The following ROBO1 variants were observed in gnomAD, a reference collection of about 807,000 sequenced individuals.
The protein encoded by ROBO1 is roundabout homolog 1.
Under a neutral mutation model 195.9 loss-of-function variants are expected in ROBO1, and 149 were observed. That is an observed-to-expected ratio of 0.76 (90% confidence interval 0.67 to 0.87). The LOEUF is 0.87. Ranked by LOEUF, ROBO1 falls within the 40% of genes least tolerant of loss-of-function variation. The pLI is 0.00. For synonymous variants in ROBO1, 816 were observed against 733.2 expected (o/e 1.11, Z -1.82); for missense variants, 1,933 against 2,068.3 (o/e 0.93, Z 1.27).
intron 3 of ROBO1, among the ~76,000 whole-genome samples, chr3:79,069,703 C>T (rs2079056005): frequency 6.6e-6 from 1 of 151,936 alleles, no homozygotes; most frequent in African/African-American, 2.4e-5. Flanking sequence ...TGATCCAAAC[C>T]TAGCTCTGCA....
chr3:78,834,455 T>C (rs534553788), intron 4 of ROBO1, among the ~76,000 whole-genome samples: 1 of 149,334 alleles, frequency 6.7e-6, no homozygotes, highest in South Asian at 2.2e-4. Flanking sequence ...AGCAGGCAAC[T>C]AGATGTAGGA....
chr3:79,371,870 T>C (rs117177583), intron 2 of ROBO1, among the ~76,000 whole-genome samples: 1 of 152,294 alleles, frequency 6.6e-6, no homozygotes, highest in East Asian at 1.9e-4. Context: ...CCTAACCTTT[T>C]AGGCACCAGG....
At chr3:79,099,935 C>G (rs1244891573) in intron 3 of ROBO1, among the ~76,000 whole-genome samples, 1 of 151,704 alleles carries the variant, frequency 6.6e-6, no homozygotes, top group Admixed American at 6.6e-5. Flanking sequence ...GGAAGGAGAC[C>G]AGTAAATTTG....
chr3:78,969,731 T>G (rs755780859), intron 3 of ROBO1, among the ~76,000 whole-genome samples: 6 of 152,134 alleles, frequency 3.9e-5, no homozygotes, highest in Non-Finnish European at 8.8e-5. Flanking sequence ...AGTTTGACTT[T>G]CAAAAAACCC....
chr3:78,752,904 C>T (rs2082833505), intron 4 of ROBO1, among the ~76,000 whole-genome samples: 1 of 151,966 alleles, frequency 6.6e-6, no homozygotes, highest in Admixed American at 6.6e-5. Context: ...TTTCTTATAT[C>T]ATGCAACTTT....
At chr3:79,076,701 A>G (rs1345952712) in intron 3 of ROBO1, among the ~76,000 whole-genome samples, 1 of 151,758 alleles carries the variant, frequency 6.6e-6, no homozygotes, top group Non-Finnish European at 1.5e-5. Context: ...CTAGGGAGGA[A>G]GAATTTGTAA....
At chr3:78,619,599 C>A (rs928761191) in intron 26 of ROBO1, among the ~76,000 whole-genome samples, 2 of 151,696 alleles carry the variant, frequency 1.3e-5, no homozygotes, top group Non-Finnish European at 2.9e-5. Context: ...GGAGAATGCA[C>A]CTGGCAGAGG....
Position 78,711,363 on chromosome 3 carries a change from C to T in ROBO1, c.1045+3034G>A, listed in dbSNP as rs1181007483. Among the ~76,000 whole-genome samples, 71 of 36,012 alleles carry T rather than the reference C, an allele frequency of 2.0e-3. 2 individuals are homozygous for T. The highest frequency in any genetic ancestry group is 3.8e-3 in the African/African-American group (21 of 5,550). 23.6% of individuals were successfully genotyped at this position (36,012 alleles called of 152,430 possible). ...TCCTTCCTTCCTCCTTCCTTCCTTC[C>T]TTCCTTCCTTCCTTCCTTCCTTCCT... is the stretch of plus-strand genomic sequence containing the variant. On this transcript the variant is annotated intron_variant, in intron 8 of 30. Coordinates refer to ENST00000464233, the MANE Select transcript of ROBO1 (RefSeq NM_002941.4).
At chr3:79,766,589 G>A (rs1267060898) in intron 1 of ROBO1, among the ~76,000 whole-genome samples, 1 of 151,866 alleles carries the variant, frequency 6.6e-6, no homozygotes, top group Non-Finnish European at 1.5e-5. Context: ...CGGGTGGAGC[G>A]GCAGCCCAGG....
chr3:79,580,452 A>G (rs1208466758), intron 2 of ROBO1, among the ~76,000 whole-genome samples: 1 of 152,128 alleles, frequency 6.6e-6, no homozygotes, highest in South Asian at 2.1e-4. Context: ...ATTGCACTCC[A>G]GCCTGGGCAA....
At chr3:78,903,631 T>C (rs533377817) in intron 4 of ROBO1, among the ~76,000 whole-genome samples, 41 of 151,868 alleles carry the variant, frequency 2.7e-4, no homozygotes, top group Middle Eastern at 3.4e-3. Flanking sequence ...AACATAGAAA[T>C]TAATAGAAGA....
At chr3:79,325,043 T>C (rs2034145068) in intron 2 of ROBO1, among the ~76,000 whole-genome samples, 1 of 152,226 alleles carries the variant, frequency 6.6e-6, no homozygotes, top group Non-Finnish European at 1.5e-5. Flanking sequence ...TTGAGACTGA[T>C]TCTCCGATTA....
intron 3 of ROBO1, among the ~76,000 whole-genome samples, chr3:79,019,626 G>A (rs1304051435): frequency 1.3e-5 from 2 of 152,100 alleles, no homozygotes; most frequent in Non-Finnish European, 2.9e-5. Flanking sequence ...CAAGCCAGGG[G>A]TGCCCAACTG....
intron 14 of ROBO1, among the ~76,000 whole-genome samples, chr3:78,662,776 T>C (rs1445494840): frequency 6.6e-6 from 1 of 152,198 alleles, no homozygotes; most frequent in Non-Finnish European, 1.5e-5. Context: ...TTAGTTATTG[T>C]ATCATAGTAA....
chr3:79,000,379 A>G (rs968522574), intron 3 of ROBO1, among the ~76,000 whole-genome samples: 1 of 152,092 alleles, frequency 6.6e-6, no homozygotes, highest in African/African-American at 2.4e-5. Flanking sequence ...TAGCATGTTT[A>G]CTCTGATGAT....
intron 5 of ROBO1, among the ~76,000 whole-genome samples, chr3:78,739,425 A>T (rs180742240): frequency 1.1e-3 from 163 of 152,296 alleles, no homozygotes; most frequent in Middle Eastern, 3.4e-3. Context: ...AGCTAATGAT[A>T]TTAGAACCTG....
intron 2 of ROBO1, among the ~76,000 whole-genome samples, chr3:79,238,830 T>A (rs928417839): frequency 2.0e-5 from 3 of 152,232 alleles, no homozygotes; most frequent in African/African-American, 7.2e-5. Context: ...CTGCTCAGTA[T>A]CCCTGCTTTG....
intron 1 of ROBO1, among the ~76,000 whole-genome samples, chr3:79,702,650 A>G (rs961347439): frequency 6.6e-6 from 1 of 151,894 alleles, no homozygotes; most frequent in Non-Finnish European, 1.5e-5. Context: ...GTGAAAACCA[A>G]AGCATGAAGA....
intron 1 of ROBO1, among the ~76,000 whole-genome samples, chr3:79,743,849 C>T (rs1019175884): frequency 6.6e-6 from 1 of 152,150 alleles, no homozygotes; most frequent in Non-Finnish European, 1.5e-5. Context: ...CATCTTGACC[C>T]ACTGGAAGGA....
Sources: allele counts gnomAD v4.1 joint callset (sites outside exome capture counted in the v4.1 genomes callset), GRCh38; gene constraint gnomAD v4.1.1; transcripts MANE v1.5; gene names NCBI Gene and HGNC (gene_info 2026-07-23, HGNC 2026-07-21).